ARID1B: variants seen among roughly 807,000 people sequenced by gnomAD.
ARID1B encodes AT-rich interactive domain-containing protein 1B.
ARID1B carries 30 observed loss-of-function variants against 212.3 expected under a neutral mutation model. The ratio of observed to expected loss-of-function variants is 0.14; its 90% confidence interval spans 0.11 to 0.19. The LOEUF (loss-of-function observed/expected upper bound fraction) is 0.19. Among genes scored for constraint, ARID1B ranks in the 10% least tolerant of loss-of-function variants. The pLI is 1.00. For synonymous variants in ARID1B, 1,402 were observed against 1,301.7 expected (o/e 1.08, Z -1.66); for missense variants, 2,891 against 3,204.0 (o/e 0.90, Z 2.36).
chr6:156,828,488 AG>A, intron 1 of ARID1B, among the ~76,000 whole-genome samples: 1 of 152,198 alleles, frequency 6.6e-6, no homozygotes, highest in East Asian at 1.9e-4. Context: ...TTGACGTCCC[AG>A]GACATGAAGG....
At chr6:156,931,586 T>C (rs552040885) in intron 3 of ARID1B, among the ~76,000 whole-genome samples, 8 of 152,138 alleles carry the variant, frequency 5.3e-5, no homozygotes, top group Non-Finnish European at 8.8e-5. Context: ...TTCAGCACTT[T>C]GGCAGGAGAA....
At chr6:157,174,175 C>A in intron 10 of ARID1B, 58 bp downstream of exon 10, 2 of 1,489,668 alleles carry the variant, frequency 1.3e-6, no homozygotes, top group Non-Finnish European at 1.9e-6. Context: ...GCTGCCATGT[C>A]GTTCTCTCTT....
chr6:156,821,804 C>G (rs1782372376), intron 1 of ARID1B, among the ~76,000 whole-genome samples: 1 of 152,102 alleles, frequency 6.6e-6, no homozygotes, highest in Non-Finnish European at 1.5e-5. Flanking sequence ...TCCATGGTTC[C>G]ACAAATACAT....
chr6:156,989,006 G>A (rs1475442327), intron 4 of ARID1B, among the ~76,000 whole-genome samples: 1 of 152,166 alleles, frequency 6.6e-6, no homozygotes, highest in Non-Finnish European at 1.5e-5. Flanking sequence ...AGGCCATGTT[G>A]TCACAGGGAT....
At chr6:157,082,123 C>T (rs1784672009) in intron 4 of ARID1B, among the ~76,000 whole-genome samples, 2 of 152,112 alleles carry the variant, frequency 1.3e-5, no homozygotes, top group Non-Finnish European at 2.9e-5. Context: ...CAGTATTTTT[C>T]AGGGGGATGT....
chr6:156,818,673 C>T (rs1782143538), intron 1 of ARID1B, among the ~76,000 whole-genome samples: 1 of 152,148 alleles, frequency 6.6e-6, no homozygotes, highest in African/African-American at 2.4e-5. Flanking sequence ...CCAGGTGTAC[C>T]TGATGACATA....
intron 4 of ARID1B, among the ~76,000 whole-genome samples, chr6:157,041,088 A>G (rs1359861546): frequency 6.6e-6 from 1 of 152,200 alleles, no homozygotes; most frequent in African/African-American, 2.4e-5. Flanking sequence ...AAAGTTCTGA[A>G]ACTGTAGACC....
chr6:156,779,296 A>AGGCGGCGGC lies in ARID1B; in HGVS notation c.1622_1630dup (p.Ala541_Ala543dup). On this transcript the variant is annotated inframe_insertion, in exon 1 of 20. Transcript: ENST00000636930. ...CCGCCGCCGTCGCAGCCCCAGTCCCAGGCGGCGGCGGCGGGGGCGGCGGCG... is the reference window on the plus strand; with the variant it reads ...CCGCCGCCGTCGCAGCCCCAGTCCCAGGCGGCGGCGGCGGCGGCGGCGGGGGCGGCGGCG... 1 of 1,096,038 alleles carries AGGCGGCGGC rather than the reference A, an allele frequency of 9.1e-7. No homozygotes were observed. Among genetic ancestry groups the AGGCGGCGGC allele is most frequent in the Non-Finnish European group, 1.1e-6 (1 of 900,984 alleles). 67.9% of individuals were successfully genotyped at this position (1,096,038 alleles called of 1,614,324 possible).
intron 3 of ARID1B, among the ~76,000 whole-genome samples, chr6:156,914,050 G>C (rs1374652746): frequency 8.9e-5 from 6 of 67,364 alleles, no homozygotes; most frequent in African/African-American, 4.0e-4. Context: ...CTCCCGAACT[G>C]CCAGCCCCAC....
intron 4 of ARID1B, among the ~76,000 whole-genome samples, chr6:156,962,011 A>G (rs1345438806): frequency 6.6e-6 from 1 of 152,094 alleles, no homozygotes; most frequent in Non-Finnish European, 1.5e-5. Context: ...TAAAAATACT[A>G]TAGAAAGGCC....
chr6:156,991,842 A>G (rs1778294108), intron 4 of ARID1B, among the ~76,000 whole-genome samples: 1 of 152,174 alleles, frequency 6.6e-6, no homozygotes, highest in African/African-American at 2.4e-5. Context: ...ACTGCCCTTT[A>G]TTTTGTACCT....
intron 4 of ARID1B, among the ~76,000 whole-genome samples, chr6:157,065,588 T>C (rs562105631): frequency 1.6e-4 from 24 of 152,318 alleles, no homozygotes; most frequent in African/African-American, 5.3e-4. Flanking sequence ...CATTAGAGAA[T>C]TGGAACAATT....
chr6:157,115,520 G>A (rs62424326), intron 6 of ARID1B, among the ~76,000 whole-genome samples: 19 of 152,268 alleles, frequency 1.2e-4, no homozygotes, highest in East Asian at 3.9e-4. Flanking sequence ...TCCGCCTTCC[G>A]GGTTCACGCC....
chr6:157,038,751 T>A (rs941847581), intron 4 of ARID1B, among the ~76,000 whole-genome samples: 5 of 152,208 alleles, frequency 3.3e-5, no homozygotes, highest in Non-Finnish European at 5.9e-5. Context: ...GTAGGGTCAG[T>A]TCTTAGGAGC....
chr6:157,157,720 A>G (rs1482242670), intron 8 of ARID1B, among the ~76,000 whole-genome samples: 1 of 152,182 alleles, frequency 6.6e-6, no homozygotes, highest in Non-Finnish European at 1.5e-5. Flanking sequence ...CTGCCATTAT[A>G]TAGATTTAAA....
intron 4 of ARID1B, among the ~76,000 whole-genome samples, chr6:156,957,353 T>C (rs1247489731): frequency 6.6e-6 from 1 of 152,156 alleles, no homozygotes. Context: ...ACATCCCCAC[T>C]TCCTTCCCAC....
chr6:157,142,392 C>T (rs774834175), intron 7 of ARID1B, among the ~76,000 whole-genome samples: 23 of 152,064 alleles, frequency 1.5e-4, no homozygotes, highest in Non-Finnish European at 2.6e-4. Context: ...TTGGGAGGCC[C>T]GCGCGGGTAT....
intron 5 of ARID1B, among the ~76,000 whole-genome samples, chr6:157,108,869 T>C (rs528144182): frequency 6.6e-6 from 1 of 152,364 alleles, no homozygotes; most frequent in East Asian, 1.9e-4. Flanking sequence ...TCTCAGTGTC[T>C]ATAAATTCAG....
chr6:157,092,532 C>A (rs954057056), intron 5 of ARID1B, among the ~76,000 whole-genome samples: 3 of 152,248 alleles, frequency 2.0e-5, no homozygotes, highest in African/African-American at 7.2e-5. Flanking sequence ...GTCAGGTATT[C>A]TGATGGGTGG....
Sources: allele counts gnomAD v4.1 joint callset (sites outside exome capture counted in the v4.1 genomes callset), GRCh38; gene constraint gnomAD v4.1.1; transcripts MANE v1.5; gene names NCBI Gene and HGNC (gene_info 2026-07-23, HGNC 2026-07-21).